Variants in NPIPB2 observed in about 807,000 individuals in gnomAD.
The protein encoded by NPIPB2 is nuclear pore complex interacting protein family member B2.
NPIPB2 carries 27 observed loss-of-function variants against 30.8 expected under a neutral mutation model. That is an observed-to-expected ratio of 0.88 (90% confidence interval 0.65 to 1.21). The LOEUF (loss-of-function observed/expected upper bound fraction) is 1.21, where lower values mean the gene tolerates loss of function less well. Among genes scored for constraint, NPIPB2 ranks in the 50% most tolerant of loss-of-function variants. The pLI, the probability that NPIPB2 is intolerant of heterozygous loss-of-function variation, is 0.00. For synonymous variants in NPIPB2, 147 were observed against 162.0 expected (o/e 0.91, Z 0.70); for missense variants, 440 against 446.2 (o/e 0.99, Z 0.13).
At chr16:11,939,107 G>A (rs1323708183) in intron 1 of NPIPB2, among the ~76,000 whole-genome samples, 1 of 151,804 alleles carries the variant, frequency 6.6e-6, no homozygotes, top group African/African-American at 2.4e-5. Context: ...AACATTGGAT[G>A]CATTTATTAT....
At chr16:11,951,854 C>G (rs561910388) in intron 1 of NPIPB2, among the ~76,000 whole-genome samples, 5 of 149,414 alleles carry the variant, frequency 3.3e-5, no homozygotes, top group Admixed American at 6.7e-5. Context: ...GTTGAAACCC[C>G]GTCTCTACTA....
chr16:11,935,222 G>T lies in NPIPB2; in HGVS notation c.193-1298C>A, dbSNP rs1170674303. 5.5e-4 allele frequency among the ~76,000 whole-genome samples: 83 copies of T among 151,188 alleles called. 1 individual carries two copies. In the Admixed American group the frequency reaches 5.5e-3, roughly 10 times the overall value. On this transcript the variant is annotated intron_variant, in intron 2 of 7. Coordinates refer to ENST00000399147, the Ensembl canonical transcript of NPIPB2. ...TCACAGTATGCTTTTAATCTTCTAA[G>T]ATATTAAATATTTGTTCTCATCATA...
chr16:11,946,385 C>CAA (rs34318693), upstream of NPIPB2, among the ~76,000 whole-genome samples: 62 of 70,044 alleles, frequency 8.9e-4, no homozygotes, highest in African/African-American at 2.4e-3. Context: ...AACTCTATCT[C>CAA]AAAAAAAAAA....
chr16:11,972,344 G>C (rs1291502691), intron 1 of NPIPB2, among the ~76,000 whole-genome samples: 1 of 152,204 alleles, frequency 6.6e-6, no homozygotes, highest in African/African-American at 2.4e-5. Context: ...GGGAGGCCGA[G>C]GTGGGCAGAT....
chr16:11,948,364 G>C (rs573848021), intron 1 of NPIPB2, among the ~76,000 whole-genome samples: 10 of 152,070 alleles, frequency 6.6e-5, no homozygotes, highest in African/African-American at 2.4e-4. Flanking sequence ...AGGAAAGCAC[G>C]CTCAACACCA....
intron 1 of NPIPB2, among the ~76,000 whole-genome samples, chr16:11,938,802 G>A (rs971917557): frequency 1.3e-5 from 2 of 152,102 alleles, no homozygotes; most frequent in African/African-American, 4.8e-5. Context: ...AGGCTAGATT[G>A]CAGTGGCATG....
At chr16:11,952,186 A>AC (rs397772316) in intron 1 of NPIPB2, among the ~76,000 whole-genome samples, 4 of 147,606 alleles carry the variant, frequency 2.7e-5, no homozygotes, top group Non-Finnish European at 6.0e-5. Context: ...AAAAAAAAAA[A>AC]CAAAGAAAAA....
At chr16:11,935,455 A>C (rs1304976590) in intron 2 of NPIPB2, among the ~76,000 whole-genome samples, 3 of 152,086 alleles carry the variant, frequency 2.0e-5, no homozygotes, top group Non-Finnish European at 4.4e-5. Flanking sequence ...CTGGGATTAC[A>C]GGTGTCTGCT....
intron 1 of NPIPB2, among the ~76,000 whole-genome samples, chr16:11,957,929 T>A (rs1314043555): frequency 1.3e-5 from 2 of 152,202 alleles, no homozygotes; most frequent in Non-Finnish European, 2.9e-5. Context: ...TTGGTTCTAT[T>A]TCTCTGGAGA....
chr16:11,933,363 A>G (rs1302770927), intron 4 of NPIPB2, among the ~76,000 whole-genome samples, 154 bp downstream of exon 4: 1 of 152,186 alleles, frequency 6.6e-6, no homozygotes, highest in Non-Finnish European at 1.5e-5. Flanking sequence ...GGAATTATAC[A>G]GCTTAAACTA....
intron 1 of NPIPB2, among the ~76,000 whole-genome samples, chr16:11,940,691 C>T (rs1391949511): frequency 1.5e-5 from 2 of 130,680 alleles, no homozygotes; most frequent in South Asian, 2.6e-4. Flanking sequence ...ACCCCGGAAG[C>T]GGAGGTTGCA....
chr16:11,970,205 T>A (rs1287659149), intron 1 of NPIPB2, among the ~76,000 whole-genome samples: 1 of 151,482 alleles, frequency 6.6e-6, no homozygotes, highest in Non-Finnish European at 1.5e-5. Flanking sequence ...CAGTCTTTAT[T>A]TTTATTCATT....
intron 1 of NPIPB2, among the ~76,000 whole-genome samples, chr16:11,972,353 A>G (rs993175204): frequency 6.6e-6 from 1 of 152,190 alleles, no homozygotes; most frequent in African/African-American, 2.4e-5. Context: ...AGGTGGGCAG[A>G]TCGTAAGGTC....
intron 1 of NPIPB2, chr16:11,941,762 A>G: frequency 3.1e-6 from 3 of 978,062 alleles, no homozygotes; most frequent in Non-Finnish European, 4.7e-6. Flanking sequence ...CGCCCGCATC[A>G]TTCCAATGAC....
rs372620061 is a variant in NPIPB2, at chr16:11,965,320, T to C, written c.-584+11248A>G. The C allele has an allele frequency of 3.1e-6, 5 of 1,614,050 alleles. No individual in the cohort carries two copies. The African/African-American group carries it at 6.7e-5, about 22-fold the overall frequency. On this transcript the variant is annotated intron_variant, in intron 1 of 5. Coordinates refer to the NPIPB2 transcript ENST00000538896. ...CTGTAGCTCCCTTGTTTTCTTTTTG[T>C]GATCATGTTGCAGATGGCTGGGCAG... is the stretch of plus-strand genomic sequence containing the variant.
chr16:11,966,099 A>G (rs2055191305), intron 1 of NPIPB2: 1 of 1,335,110 alleles, frequency 7.5e-7, no homozygotes, highest in East Asian at 2.6e-5. Flanking sequence ...CAACAGAGCA[A>G]GACTTTGTCT....
At chr16:11,961,367 C>T (rs2055151617) in intron 1 of NPIPB2, among the ~76,000 whole-genome samples, 1 of 151,934 alleles carries the variant, frequency 6.6e-6, no homozygotes, top group Non-Finnish European at 1.5e-5. Context: ...ACGTTTTGAT[C>T]AATATCTAAG....
At chr16:11,964,519 G>A (rs1276458659) in intron 1 of NPIPB2, among the ~76,000 whole-genome samples, 2 of 151,702 alleles carry the variant, frequency 1.3e-5, no homozygotes, top group Non-Finnish European at 2.9e-5. Context: ...GTTCAAGCAC[G>A]TCTCCCTGCC....
At chr16:11,939,001 C>G (rs2150915944) in intron 1 of NPIPB2, among the ~76,000 whole-genome samples, 1 of 152,242 alleles carries the variant, frequency 6.6e-6, no homozygotes, top group Middle Eastern at 3.4e-3. Context: ...CTGCCTTGGC[C>G]TCCCAAAGTG....
Sources: allele counts gnomAD v4.1 joint callset (sites outside exome capture counted in the v4.1 genomes callset), GRCh38; gene constraint gnomAD v4.1.1; transcripts MANE v1.5; gene names NCBI Gene and HGNC (gene_info 2026-07-23, HGNC 2026-07-21).